CD163L1: variants seen among roughly 807,000 people sequenced by gnomAD.
CD163L1 encodes the protein scavenger receptor cysteine-rich type 1 protein M160.
CD163L1 carries 124 observed loss-of-function variants against 165.4 expected under a neutral mutation model. That is an observed-to-expected ratio of 0.75 (90% confidence interval 0.65 to 0.87). CD163L1 has a LOEUF of 0.87. CD163L1 is among the 40% of genes least tolerant of loss of function. The probability of loss-of-function intolerance (pLI) is 0.00; values close to 1 mark genes in which losing one functional copy is unlikely to be tolerated. For missense variants in CD163L1, 1,525 were observed against 1,799.9 expected (o/e 0.85, Z 2.76); for synonymous variants, 585 against 662.2 (o/e 0.88, Z 1.79).
intron 18 of CD163L1, among the ~76,000 whole-genome samples, chr12:7,358,870 T>C (rs1946832302): frequency 6.6e-6 from 1 of 151,940 alleles, no homozygotes; most frequent in Admixed American, 6.6e-5. Flanking sequence ...CAAGAACATA[T>C]GAGCAATGTA....
chr12:7,367,378 TC>T, intron 17 of CD163L1, 47 bp from the exon 18 acceptor site: 1 of 1,236,406 alleles, frequency 8.1e-7, no homozygotes, highest in Non-Finnish European at 1.2e-6. Context: ...AAATGGCCTA[TC>T]CCTTATATTA....
rs371156224 is a variant in CD163L1 at position 7,421,464 on chromosome 12, CAT to C, written c.766+10950_766+10951del. 3.9e-3 allele frequency among the ~76,000 whole-genome samples: 293 copies of C among 75,402 alleles called. 14 individuals carry two copies. Among genetic ancestry groups the C allele is most frequent in the East Asian group, 0.015 (26 of 1,736 alleles). 49.5% of individuals were successfully genotyped at this position (75,402 alleles called of 152,430 possible). On this transcript the variant is annotated intron_variant, in intron 4 of 19. Transcript: ENST00000313599. ...ACATATACATATATGTACATATATA[CAT>C]ATATATACATATATGTACATATATA...
the CD163L1 span, chr12:7,323,651 C>A: frequency 8.7e-7 from 1 of 1,146,002 alleles, no homozygotes; most frequent in Non-Finnish European, 1.3e-6. Context: ...CTTGGGCAAG[C>A]AACAAAATCT....
At chr12:7,351,794 T>C (rs1946708243), downstream of CD163L1, among the ~76,000 whole-genome samples, 1 of 152,084 alleles carries the variant, frequency 6.6e-6, no homozygotes, top group Non-Finnish European at 1.5e-5. Flanking sequence ...AAGGTAAGCC[T>C]GAAAACTGTA....
intron 4 of CD163L1, among the ~76,000 whole-genome samples, chr12:7,415,851 G>T (rs1948228180): frequency 1.3e-5 from 2 of 152,256 alleles, no homozygotes; most frequent in South Asian, 2.1e-4. Flanking sequence ...TTGGTTCCAA[G>T]TCTTTGCTAT....
At chr12:7,342,136 A>G (rs1448114663), downstream of CD163L1, among the ~76,000 whole-genome samples, 1 of 152,196 alleles carries the variant, frequency 6.6e-6, no homozygotes, top group East Asian at 1.9e-4. Flanking sequence ...CTGGCCATAA[A>G]CTGGCCCCAC....
chr12:7,358,120 C>T (rs895031410), intron 18 of CD163L1, among the ~76,000 whole-genome samples: 1 of 152,048 alleles, frequency 6.6e-6, no homozygotes, highest in Non-Finnish European at 1.5e-5. Flanking sequence ...ACCACTACCA[C>T]CAAAATTGGA....
downstream of CD163L1, among the ~76,000 whole-genome samples, chr12:7,345,123 C>G (rs2136358950): frequency 6.6e-6 from 1 of 151,244 alleles, no homozygotes; most frequent in Admixed American, 6.6e-5. Context: ...AATTTCTCTA[C>G]TGATAATGCT....
intron 5 of CD163L1, among the ~76,000 whole-genome samples, chr12:7,404,653 C>T (rs80260240): frequency 0.026 from 3,935 of 152,226 alleles, 88 homozygotes; most frequent in Middle Eastern, 0.078. Context: ...ATTATTCAAG[C>T]TTTTCATACA....
the CD163L1 span, among the ~76,000 whole-genome samples, chr12:7,319,294 C>T: frequency 8.5e-5 from 13 of 152,160 alleles, no homozygotes; most frequent in East Asian, 1.4e-3. Context: ...GGTGGTAATG[C>T]GGGCAATGGG....
downstream of CD163L1, among the ~76,000 whole-genome samples, chr12:7,343,579 G>A (rs1441025658): frequency 6.6e-6 from 1 of 152,118 alleles, no homozygotes; most frequent in Non-Finnish European, 1.5e-5. Context: ...AAGCAAAAGA[G>A]AGAGCAGGGA....
chr12:7,404,375 A>C (rs1947973361), intron 5 of CD163L1, among the ~76,000 whole-genome samples: 1 of 152,208 alleles, frequency 6.6e-6, no homozygotes, highest in African/African-American at 2.4e-5. Context: ...GTTCTTTCTC[A>C]TACTGTTTTC....
downstream of CD163L1, among the ~76,000 whole-genome samples, chr12:7,350,092 C>G (rs1003959948): frequency 6.6e-6 from 1 of 152,170 alleles, no homozygotes; most frequent in South Asian, 2.1e-4. Context: ...GAGAAAGTCA[C>G]TAGAGAGGTG....
chr12:7,389,960 T>TTATATATATATATATATATA (rs59235889), intron 8 of CD163L1, among the ~76,000 whole-genome samples: 14 of 135,940 alleles, frequency 1.0e-4, no homozygotes, highest in African/African-American at 3.4e-4. Context: ...ATATATATAT[T>TTATATATATATATATATATA]TATATATATA....
At chr12:7,437,693 T>C (rs1948757723) in intron 2 of CD163L1, among the ~76,000 whole-genome samples, 1 of 149,642 alleles carries the variant, frequency 6.7e-6, no homozygotes, top group Admixed American at 6.7e-5. Flanking sequence ...TTTTTGACAC[T>C]GTATATTTAT....
At chr12:7,421,764 TATATA>T (rs767492192) in intron 4 of CD163L1, among the ~76,000 whole-genome samples, 1,340 of 127,140 alleles carry the variant, frequency 0.011, 24 homozygotes, top group African/African-American at 0.032. Context: ...TATATATATA[TATATA>T]TTTTTTCTTC....
intron 4 of CD163L1, among the ~76,000 whole-genome samples, chr12:7,418,920 T>A (rs940109371): frequency 6.6e-6 from 1 of 152,010 alleles, no homozygotes; most frequent in Non-Finnish European, 1.5e-5. Context: ...CAGAACCAGA[T>A]GGATTCACAG....
At position 7,403,853 on chromosome 12, in the gene CD163L1, C is replaced by G. The variant is rs780452286; in HGVS notation, c.1090G>C (p.Gly364Arg). The G allele has an allele frequency of 6.2e-7, 1 of 1,611,750 alleles. No individual in the cohort carries two copies. The highest frequency in any genetic ancestry group is 2.2e-5 in the East Asian group (1 of 44,854). Residue 364 changes from glycine (G) to arginine (R), a missense_variant and splice_region_variant, in exon 6 of 20, where the codon GGA (glycine) becomes CGA (arginine). Gly to Arg is a moderately radical substitution (Grantham distance 125, BLOSUM62 -2). Transcript: ENST00000313599. ...QNDVSVICSD[G>R]ADLELRLADG... is the part of the protein sequence containing the mutation. The stretch of plus-strand genomic sequence containing the variant: ...GCTAGTCGCAGTTCCAAATCTGCTC[C>G]ATCTAGGATGAAGTCACAGAGAAAC...
In CD163L1 at chr12:7,369,882, C is replaced by T. The variant is rs746499808; in HGVS notation, c.3731-217G>A. Among the ~76,000 whole-genome samples the T allele has an allele frequency of 2.6e-5, 4 of 152,130 alleles. No homozygotes were observed. Among genetic ancestry groups the T allele is most frequent in the African/African-American group, 4.8e-5 (2 of 41,432 alleles). On this transcript the variant is annotated intron_variant, in intron 14 of 19. Transcript: ENST00000313599. This position sits in a 1 kb window ranked among gnomAD's most constrained non-coding sequence, Gnocchi z 4.9. ...TCCTAGTCACACTCAAGGGGTGAAACATCTCCAGCGAGGCCAAACCAGATA... is the reference window on the plus strand; with the variant it reads ...TCCTAGTCACACTCAAGGGGTGAAATATCTCCAGCGAGGCCAAACCAGATA...
Sources: gnomAD v4.1 joint callset for allele counts (sites outside exome capture counted in the v4.1 genomes callset) on GRCh38, gnomAD v4.1.1 for gene constraint, Gnocchi (gnomAD v3.1) non-coding constraint, MANE v1.5 for transcripts, NCBI Gene and HGNC (gene_info 2026-07-23, HGNC 2026-07-21) for gene names.